The following FAM53C variants were observed in gnomAD, a reference collection of about 807,000 sequenced individuals.
FAM53C encodes protein FAM53C.
In FAM53C, 10 loss-of-function variants were observed where a neutral mutation model predicts 34.7. That is an observed-to-expected ratio of 0.29 (90% CI 0.18 to 0.49). FAM53C has a LOEUF of 0.49. Among genes scored for constraint, FAM53C ranks in the 20% least tolerant of loss-of-function variants. FAM53C has a pLI of 0.99. For missense variants in FAM53C, 442 were observed against 515.3 expected, an observed-to-expected ratio of 0.86 and a Z score of 1.38; for synonymous variants, 203 against 203.6, an observed-to-expected ratio of 1.00 and a Z score of 0.03.
In FAM53C at chr5:138,347,000, C is replaced by T. The variant is rs1655785623; in HGVS notation, c.*41C>T. On this transcript the variant is annotated 3_prime_UTR_variant, in exon 5 of 5. Transcript: ENST00000239906. ...TCCTGGGGCCACACAGACTGACTCT[C>T]TCATGGCTACTAACAAGTGTCGAGT... 4 of 1,611,398 alleles carry T rather than the reference C, an allele frequency of 2.5e-6. No individual in the cohort carries two copies. The highest frequency in any genetic ancestry group is 3.4e-6 in the Non-Finnish European group (4 of 1,179,150).
rs764495290 is a variant in FAM53C at position 138,344,879 on chromosome 5, G to A, written c.191G>A (p.Ser64Asn). 6 of 1,610,730 alleles carry A rather than the reference G, an allele frequency of 3.7e-6. No individual in the cohort carries two copies. In the South Asian group the frequency reaches 5.5e-5, roughly 15 times the overall value. Residue 64 changes from serine (S) to asparagine (N), a missense_variant, in exon 4 of 5, where the codon AGC becomes AAC. By Grantham distance (46) the Ser-to-Asn change is conservative. Coordinates refer to ENST00000239906, the MANE Select transcript of FAM53C (RefSeq NM_016605.3). ...PHCSCAEFQD[S>N]LNFSYHPSGL... is the part of the protein sequence containing the mutation. ...TGTTCCTGTGCTGAGTTCCAGGACA[G>A]CCTCAACTTCAGCTACCATCCCTCA...
At chr5:138,343,345 A>C (rs912866583) in intron 3 of FAM53C, among the ~76,000 whole-genome samples, 1 of 151,934 alleles carries the variant, frequency 6.6e-6, no homozygotes, top group African/African-American at 2.4e-5. Flanking sequence ...CCCCGTCTCT[A>C]TTAAAAATAC....
intron 3 of FAM53C, 60 bp downstream of exon 3, chr5:138,341,926 T>C: frequency 1.3e-6 from 2 of 1,549,208 alleles, no homozygotes. Flanking sequence ...CACACATTTC[T>C]ATCATTGGTT....
chr5:138,341,189 G>T lies in FAM53C; in HGVS notation c.-147G>T. On this transcript the variant is annotated 5_prime_UTR_variant, in exon 2 of 5. Coordinates refer to ENST00000239906, the MANE Select transcript of FAM53C (RefSeq NM_016605.3). Reference sequence around the variant, plus strand: ...CTGGTCCCTCTAATTGGCAGACTCAGCAGGCATGACTGGAGAGGGAAGTCC... The same window carrying T: ...CTGGTCCCTCTAATTGGCAGACTCATCAGGCATGACTGGAGAGGGAAGTCC... The T allele has an allele frequency of 1.3e-6, 1 of 776,052 alleles. No homozygotes were observed. Among genetic ancestry groups the T allele is most frequent in the Non-Finnish European group, 2.4e-6 (1 of 422,192 alleles). 48.1% of individuals were successfully genotyped at this position (776,052 alleles called of 1,614,324 possible). A position where few individuals can be genotyped will look rare whatever the true frequency, so the allele number is the denominator to read the frequency against.
At chr5:138,338,214 G>C, upstream of FAM53C, 1 of 1,267,062 alleles carries the variant, frequency 7.9e-7, no homozygotes, top group Non-Finnish European at 1.0e-6. Flanking sequence ...TCAGGGACTC[G>C]TTGGTTCGCG....
intron 1 of FAM53C, among the ~76,000 whole-genome samples, chr5:138,340,301 T>C (rs1450126791): frequency 6.6e-6 from 1 of 152,262 alleles, no homozygotes; most frequent in Non-Finnish European, 1.5e-5. Flanking sequence ...TTCTCTTGAC[T>C]AGCTAATGCT....
rs752125769 is a variant in FAM53C, at chr5:138,341,299, T to G, written c.-37T>G. ...AACAACAGGGAAGACATCCATCATT[T>G]GCTCCAAAGTGTGCAAGTCAAATCC... On this transcript the variant is annotated 5_prime_UTR_variant, in exon 2 of 5. Transcript: ENST00000239906. The G allele has an allele frequency of 8.3e-6, 13 of 1,564,492 alleles. No homozygotes were observed. Among genetic ancestry groups the G allele is most frequent in the Admixed American group, 1.7e-5 (1 of 59,958 alleles).
In FAM53C at chr5:138,349,688, A is replaced by T. The variant is rs1050484513; in HGVS notation, c.*2729A>T. On this transcript the variant is annotated 3_prime_UTR_variant, in exon 5 of 5. Transcript: ENST00000239906. Reference sequence around the variant, plus strand: ...GGTTCTGCCTCTGTGGCTGTGTTTGAAAAAATAAAGTTTTATTAGAATAAT... The same window carrying T: ...GGTTCTGCCTCTGTGGCTGTGTTTGTAAAAATAAAGTTTTATTAGAATAAT... 1.7e-4 allele frequency: 26 copies of T among 152,250 alleles called. No individual in the cohort carries two copies. The highest frequency in any genetic ancestry group is 6.0e-4 in the African/African-American group (25 of 41,466). The allele number at this position is 152,250 out of a possible 1,614,324, so 9.4% of individuals were successfully genotyped here.
In FAM53C at chr5:138,347,157, G is replaced by A; in HGVS notation, c.*198G>A. The A allele has an allele frequency of 1.4e-6, 1 of 740,542 alleles. No individual in the cohort carries two copies. The highest frequency in any genetic ancestry group is 1.8e-5 in the South Asian group (1 of 54,122). The allele number at this position is 740,542 out of a possible 1,614,324, so 45.9% of individuals were successfully genotyped here. A position where few individuals can be genotyped will look rare whatever the true frequency, so the allele number is the denominator to read the frequency against. On this transcript the variant is annotated 3_prime_UTR_variant, in exon 5 of 5. Coordinates refer to ENST00000239906, the MANE Select transcript of FAM53C (RefSeq NM_016605.3). ...GGCCGGGACAAGATAAACGGAGCTG[G>A]TGGCGGGAGGGACAGCCCCAGAGCA... is the stretch of plus-strand genomic sequence containing the variant.
Position 138,347,338 on chromosome 5 carries a change from G to A in FAM53C, c.*379G>A, listed in dbSNP as rs1010568822. The A allele has an allele frequency of 3.4e-6, 1 of 291,586 alleles. No homozygotes were observed. The highest frequency in any genetic ancestry group is 3.4e-5 in the South Asian group (1 of 29,038). 18.1% of individuals were successfully genotyped at this position (291,586 alleles called of 1,614,324 possible). A position where few individuals can be genotyped will look rare whatever the true frequency, so the allele number is the denominator to read the frequency against. On this transcript the variant is annotated 3_prime_UTR_variant, in exon 5 of 5. Coordinates refer to ENST00000239906, the MANE Select transcript of FAM53C (RefSeq NM_016605.3). The stretch of plus-strand genomic sequence containing the variant: ...TCTTAGAATTTGGCCAGGGTGGGGG[G>A]TTGAGTCAGCCTCCTCAGAGAAACT...
At position 138,346,823 on chromosome 5, in the gene FAM53C, G is replaced by A. The variant is rs751679004; in HGVS notation, c.1043G>A (p.Gly348Asp). 7 of 1,614,142 alleles carry A rather than the reference G, an allele frequency of 4.3e-6. No homozygotes were observed. The highest frequency in any genetic ancestry group is 1.1e-5 in the South Asian group (1 of 91,088). The change falls in exon 5 of 5, where the codon GGT becomes GAT. Residue 348 changes from glycine (G) to aspartate (D), a missense_variant. Physicochemically the swap from Gly to Asp is moderately conservative, Grantham distance 94. Transcript: ENST00000239906. ...TCTGCTTCCTGCAGCCCCACTGGGG[G>A]TTCCTCCCAGGTGCTGAGTGAAAGC... ...PLSASCSPTGGSSQVLSESEE... is the reference protein window; with the variant it reads ...PLSASCSPTGDSSQVLSESEE...
chr5:138,338,589 AC>A (rs60039274), intron 1 of FAM53C, among the ~76,000 whole-genome samples: 33,363 of 126,092 alleles, frequency 0.26, 2,866 homozygotes, highest in South Asian at 0.35. Context: ...GCCCTGGCGC[AC>A]CCCCCCCCCC....
In FAM53C at chr5:138,349,052, G is replaced by A. The variant is rs532379740; in HGVS notation, c.*2093G>A. Reference sequence around the variant, plus strand: ...CAGGGCACCATCCTTAGGGGAGAAGGTCTACAGTTATCATTATTTTAATTC... The same window carrying A: ...CAGGGCACCATCCTTAGGGGAGAAGATCTACAGTTATCATTATTTTAATTC... On this transcript the variant is annotated 3_prime_UTR_variant, in exon 5 of 5. Coordinates refer to ENST00000239906, the MANE Select transcript of FAM53C (RefSeq NM_016605.3). The A allele has an allele frequency of 3.3e-5, 5 of 152,324 alleles. No individual in the cohort carries two copies. The highest frequency in any genetic ancestry group is 1.2e-4 in the African/African-American group (5 of 41,560). 9.4% of individuals were successfully genotyped at this position (152,324 alleles called of 1,614,324 possible). A position where few individuals can be genotyped will look rare whatever the true frequency, so the allele number is the denominator to read the frequency against.
Position 138,345,753 on chromosome 5 carries a change from A to G in FAM53C, c.921+144A>G, listed in dbSNP as rs1307586668. 3 of 994,050 alleles carry G rather than the reference A, an allele frequency of 3.0e-6. No homozygotes were observed. The highest frequency in any genetic ancestry group is 2.6e-5 in the East Asian group (1 of 38,122). The allele number at this position is 994,050 out of a possible 1,614,324, so 61.6% of individuals were successfully genotyped here. On this transcript the variant is annotated intron_variant, in intron 4 of 4. Coordinates refer to ENST00000239906, the MANE Select transcript of FAM53C (RefSeq NM_016605.3). The surrounding 1 kb of genome is among the most constrained non-coding windows in gnomAD (Gnocchi z 6.3). ...TAGCTCTTAGCTAGGGTGACCTACC[A>G]TCCCAGTTTGCCTGGGACTGTCCCA... is the stretch of plus-strand genomic sequence containing the variant.
chr5:138,344,782 G>A (rs747161750), intron 3 of FAM53C, 43 bp from the exon 4 acceptor site: 1 of 1,467,498 alleles, frequency 6.8e-7, no homozygotes. Flanking sequence ...CTTAAAAAAT[G>A]TAAGCTATCA....
In FAM53C at chr5:138,349,200, T is replaced by C. The variant is rs545171863; in HGVS notation, c.*2241T>C. ...CATTTTGCTTTACACAGTAGATCTG[T>C]TCCAACAGTTCTGTGTAAACCAAAT... On this transcript the variant is annotated 3_prime_UTR_variant, in exon 5 of 5. Coordinates refer to ENST00000239906, the MANE Select transcript of FAM53C (RefSeq NM_016605.3). 3 of 152,814 alleles carry C rather than the reference T, an allele frequency of 2.0e-5. No individual in the cohort carries two copies. In the East Asian group the frequency reaches 5.8e-4, roughly 29 times the overall value. The allele number at this position is 152,814 out of a possible 1,614,324, so 9.5% of individuals were successfully genotyped here.
chr5:138,345,220 G>T lies in FAM53C; in HGVS notation c.532G>T (p.Ala178Ser). 1 of 1,614,190 alleles carries T rather than the reference G, an allele frequency of 6.2e-7. No individual in the cohort carries two copies. Among genetic ancestry groups the T allele is most frequent in the Non-Finnish European group, 8.5e-7 (1 of 1,180,026 alleles). Residue 178 changes from alanine (A) to serine (S), a missense_variant, in exon 4 of 5, where the codon GCC becomes TCC. Transcript: ENST00000239906. This position sits in a 1 kb window ranked among gnomAD's most constrained non-coding sequence, Gnocchi z 6.3. Reference protein sequence around the residue: ...SSLRFLQAPSASSQCAPAHRP... With the variant: ...SSLRFLQAPSSSSQCAPAHRP... ...CCTCAGGTTCCTCCAAGCTCCCAGTGCCTCTTCTCAATGTGCCCCAGCTCA... is the reference window on the plus strand; with the variant it reads ...CCTCAGGTTCCTCCAAGCTCCCAGTTCCTCTTCTCAATGTGCCCCAGCTCA...
rs1315925162 is a variant in FAM53C, at chr5:138,347,344, T to C, written c.*385T>C. 4 of 284,074 alleles carry C rather than the reference T, an allele frequency of 1.4e-5. No individual in the cohort carries two copies. Among genetic ancestry groups the C allele is most frequent in the Non-Finnish European group, 2.7e-5 (4 of 147,534 alleles). 17.6% of individuals were successfully genotyped at this position (284,074 alleles called of 1,614,324 possible). A position where few individuals can be genotyped will look rare whatever the true frequency, so the allele number is the denominator to read the frequency against. ...AATTTGGCCAGGGTGGGGGGTTGAG[T>C]CAGCCTCCTCAGAGAAACTGCGTGA... is the stretch of plus-strand genomic sequence containing the variant. On this transcript the variant is annotated 3_prime_UTR_variant, in exon 5 of 5. Coordinates refer to ENST00000239906, the MANE Select transcript of FAM53C (RefSeq NM_016605.3).
In FAM53C at chr5:138,346,573, A is replaced by G. The variant is rs886965294; in HGVS notation, c.922-129A>G. On this transcript the variant is annotated intron_variant, in intron 4 of 4. Transcript: ENST00000239906. ...CGGGAGGCAGAGCTTGCAGTGAGCC[A>G]AGATCACGCCACTGCACTCCAGCCA... 96 of 1,182,850 alleles carry G rather than the reference A, an allele frequency of 8.1e-5. No individual in the cohort carries two copies. In the Admixed American group the frequency reaches 9.4e-4, roughly 12 times the overall value. 73.3% of individuals were successfully genotyped at this position (1,182,850 alleles called of 1,614,324 possible). A position where few individuals can be genotyped will look rare whatever the true frequency, so the allele number is the denominator to read the frequency against.
Sources: gnomAD v4.1 joint callset for allele counts (sites outside exome capture counted in the v4.1 genomes callset) on GRCh38, gnomAD v4.1.1 for gene constraint, Gnocchi (gnomAD v3.1) non-coding constraint, MANE v1.5 for transcripts, NCBI Gene and HGNC (gene_info 2026-07-23, HGNC 2026-07-21) for gene names.